Variants in HDAC5 observed in about 807,000 individuals in gnomAD.
HDAC5 encodes the protein antigen NY-CO-9.
A neutral mutation model predicts 133.3 loss-of-function variants in HDAC5; 25 were observed. The ratio of observed to expected loss-of-function variants is 0.19; its 90% CI spans 0.14 to 0.26. The LOEUF (loss-of-function observed/expected upper bound fraction) is 0.26, where lower values mean the gene tolerates loss of function less well. Among genes scored for constraint, HDAC5 ranks in the 10% least tolerant of loss-of-function variants. HDAC5 has a pLI of 1.00. For synonymous variants in HDAC5, 589 were observed against 610.8 expected (o/e 0.96, Z 0.53); for missense variants, 1,041 against 1,460.5 (o/e 0.71, Z 4.68).
At chr17:44,083,513 A>C in intron 18 of HDAC5, 32 bp downstream of exon 18, 1 of 1,528,770 alleles carries the variant, frequency 6.5e-7, no homozygotes, top group South Asian at 1.1e-5. Context: ...GGGCCATGCC[A>C]AGGGGCACCG....
intron 21 of HDAC5, 61 bp from the exon 22 acceptor site, chr17:44,080,559 T>A: frequency 3.9e-6 from 6 of 1,554,170 alleles, no homozygotes; most frequent in Non-Finnish European, 5.3e-6. Context: ...ACATTGCCCC[T>A]GCCCTCACCC....
chr17:44,106,953 G>A (rs1279379413), intron 3 of HDAC5, among the ~76,000 whole-genome samples: 8 of 151,086 alleles, frequency 5.3e-5, no homozygotes, highest in Admixed American at 2.6e-4. Context: ...CCTTGGGCAG[G>A]TTCCCTTTTT....
Position 44,083,599 on chromosome 17 carries a change from C to T in HDAC5, c.2409G>A (p.Met803Ile). Reference protein sequence around the residue: ...NEMHSSSAVRMAVGCLLELAF... With the variant: ...NEMHSSSAVRIAVGCLLELAF... ...CCAGCTCCAGCAGGCAGCCCACTGC[C>T]ATGCGCACAGCACTGGAGGAGTGCA... Residue 803 changes from methionine to isoleucine, a missense_variant, in exon 18 of 27, where the codon ATG (methionine) becomes ATA (isoleucine). Transcript: ENST00000682912. The T allele has an allele frequency of 6.2e-7, 1 of 1,614,182 alleles. No homozygotes were observed. The highest frequency in any genetic ancestry group is 8.5e-7 in the Non-Finnish European group (1 of 1,180,032).
chr17:44,099,763 C>T (rs1479095933), intron 3 of HDAC5, among the ~76,000 whole-genome samples: 15 of 152,260 alleles, frequency 9.9e-5, no homozygotes, highest in Admixed American at 8.5e-4. Context: ...CGTGAGCCAC[C>T]GTGCCTGGCC....
At position 44,122,366 on chromosome 17, in the gene HDAC5, C is replaced by A. The variant is rs1260326505; in HGVS notation, c.-190+1138G>T. 2.6e-5 allele frequency among the ~76,000 whole-genome samples: 4 copies of A among 152,184 alleles called. No individual in the cohort carries two copies. The East Asian group carries it at 7.7e-4, about 29-fold the overall frequency. On this transcript the variant is annotated intron_variant, in intron 1 of 26. Transcript: ENST00000682912. ...AGACTCCTGGATCTCACCCTCCCCC[C>A]CACCTCCTTTTGTTCCCATAATCTG...
intron 2 of HDAC5, 170 bp from the exon 3 acceptor site, chr17:44,110,970 G>A (rs1376064703): frequency 6.4e-6 from 4 of 623,766 alleles, no homozygotes; most frequent in African/African-American, 1.8e-5. Flanking sequence ...GGCCACTGCC[G>A]ACGGGACCCA....
chr17:44,108,422 A>C (rs562099336), intron 3 of HDAC5, among the ~76,000 whole-genome samples: 2 of 152,182 alleles, frequency 1.3e-5, no homozygotes, highest in Non-Finnish European at 2.9e-5. Context: ...GACAGCCCAG[A>C]GAGCAAAGGC....
At chr17:44,081,313 G>A (rs552270533) in intron 20 of HDAC5, among the ~76,000 whole-genome samples, 44 of 151,872 alleles carry the variant, frequency 2.9e-4, no homozygotes, top group African/African-American at 6.0e-4. Flanking sequence ...GCAGTGGCAC[G>A]ATCTGGGCTC....
At chr17:44,080,338 C>A in intron 22 of HDAC5, 63 bp downstream of exon 22, 1 of 1,565,506 alleles carries the variant, frequency 6.4e-7, no homozygotes, top group Non-Finnish European at 8.8e-7. Flanking sequence ...GTGCCTTCTG[C>A]CCCTCCCACT....
chr17:44,093,857 G>A, intron 3 of HDAC5, 23 bp from the exon 4 acceptor site: 5 of 1,465,650 alleles, frequency 3.4e-6, no homozygotes, highest in Non-Finnish European at 4.5e-6. Context: ...GAGACAGGAA[G>A]GAGTTAGTGG....
At position 44,087,444 on chromosome 17, in the gene HDAC5, C is replaced by A. The variant is rs201567161; in HGVS notation, c.1852G>T (p.Asp618Tyr). Residue 618 changes from aspartate to tyrosine, a missense_variant, in exon 13 of 27, where the codon GAC (aspartate) becomes TAC (tyrosine). Transcript: ENST00000682912. Reference protein sequence around the residue: ...EGESGAEEGPDLEEPGAGYKK... With the variant: ...EGESGAEEGPYLEEPGAGYKK... ...TATCCAGCACCAGGCTCCTCCAAGT[C>A]GGGCCCCTCCTCAGCACCACTCTCG... 2 of 1,284,074 alleles carry A rather than the reference C, an allele frequency of 1.6e-6. No homozygotes were observed. Among genetic ancestry groups the A allele is most frequent in the East Asian group, 2.3e-5 (1 of 43,278 alleles). 79.5% of individuals were successfully genotyped at this position (1,284,074 alleles called of 1,614,324 possible).
chr17:44,081,319 G>A (rs2050378539), intron 20 of HDAC5, among the ~76,000 whole-genome samples: 1 of 151,942 alleles, frequency 6.6e-6, no homozygotes, highest in Admixed American at 6.6e-5. Flanking sequence ...GCACGATCTG[G>A]GCTCACTGCA....
chr17:44,114,448 G>GT (rs1491230867), intron 2 of HDAC5, among the ~76,000 whole-genome samples: 1 of 151,874 alleles, frequency 6.6e-6, no homozygotes, highest in African/African-American at 2.4e-5. Context: ...GGGGGGGGGG[G>GT]GCTGCTGCCC....
intron 3 of HDAC5, among the ~76,000 whole-genome samples, chr17:44,096,602 T>A (rs1278603339): frequency 1.4e-5 from 2 of 140,832 alleles, no homozygotes. Flanking sequence ...GCCCCGCAAG[T>A]AGCTGGGATT....
At chr17:44,084,491 C>T (rs1452903244) in intron 16 of HDAC5, 64 bp downstream of exon 16, 1 of 1,597,878 alleles carries the variant, frequency 6.3e-7, no homozygotes, top group African/African-American at 1.3e-5. Flanking sequence ...GGCAGTCTTC[C>T]TGAGAGCCCC....
intron 3 of HDAC5, among the ~76,000 whole-genome samples, chr17:44,102,753 G>A (rs1433803722): frequency 7.0e-6 from 1 of 143,000 alleles, no homozygotes; most frequent in Non-Finnish European, 1.5e-5. Flanking sequence ...TGCAACCTCC[G>A]CCTCCTGGGT....
Position 44,082,781 on chromosome 17 carries a change from C to G in HDAC5, c.2503G>C (p.Glu835Gln). Residue 835 changes from glutamate to glutamine, a missense_variant, in exon 19 of 27, where the codon GAG (glutamate) becomes CAG (glutamine). Physicochemically the swap from Glu to Gln is conservative, Grantham distance 29 (BLOSUM62 2). Around this residue, in one of 9 missense-constraint regions of HDAC5, gnomAD observed 174 missense variants for 352.7 expected, o/e 0.49. Transcript: ENST00000682912. ...AIIRPPGHHA[E>Q]ESTAMGFCFF... is the part of the protein sequence containing the mutation. ...GGCACTCACATGGCTGTGGATTCCTCGGCGTGGTGTCCTGGGGGCCGGATG... is the reference window on the plus strand; with the variant it reads ...GGCACTCACATGGCTGTGGATTCCTGGGCGTGGTGTCCTGGGGGCCGGATG... 1 of 1,567,184 alleles carries G rather than the reference C, an allele frequency of 6.4e-7. No homozygotes were observed. The highest frequency in any genetic ancestry group is 8.7e-7 in the Non-Finnish European group (1 of 1,155,060).
At chr17:44,095,351 T>A (rs1288674593) in intron 3 of HDAC5, among the ~76,000 whole-genome samples, 1 of 152,194 alleles carries the variant, frequency 6.6e-6, no homozygotes, top group Non-Finnish European at 1.5e-5. Flanking sequence ...CAAAGCCTCA[T>A]ACTAGAAGAG....
chr17:44,086,957 T>C (rs1446817615), intron 13 of HDAC5, among the ~76,000 whole-genome samples: 1 of 115,890 alleles, frequency 8.6e-6, no homozygotes, highest in African/African-American at 3.3e-5. Flanking sequence ...AAGAGTAGCA[T>C]TGAGGTAAGA....
Sources: gnomAD v4.1 joint callset for allele counts (sites outside exome capture counted in the v4.1 genomes callset) on GRCh38, gnomAD v4.1.1 for gene constraint, gnomAD v4.1.1 regional missense constraint, MANE v1.5 for transcripts, NCBI Gene and HGNC (gene_info 2026-07-23, HGNC 2026-07-21) for gene names.